Variants in SECISBP2L observed in about 807,000 individuals in gnomAD.
SECISBP2L encodes SECIS binding protein 2 like.
In SECISBP2L, 43 loss-of-function variants were observed where a neutral mutation model predicts 114.7. The ratio of observed to expected loss-of-function variants is 0.38; its 90% CI spans 0.29 to 0.48. SECISBP2L has a LOEUF of 0.48. Among genes scored for constraint, SECISBP2L ranks in the 20% least tolerant of loss-of-function variants. The pLI is 0.98. For synonymous variants in SECISBP2L, 451 were observed against 439.7 expected (o/e 1.03, Z -0.32); for missense variants, 1,136 against 1,301.1 (o/e 0.87, Z 1.95).
intron 14 of SECISBP2L, among the ~76,000 whole-genome samples, chr15:49,006,480 G>A (rs1029411955): frequency 2.6e-5 from 4 of 151,934 alleles, no homozygotes; most frequent in African/African-American, 7.3e-5. Context: ...TTGTCTTCAC[G>A]ATTTATTTCA....
At chr15:49,036,660 T>C (rs1462740768) in intron 2 of SECISBP2L, among the ~76,000 whole-genome samples, 4 of 152,258 alleles carry the variant, frequency 2.6e-5, no homozygotes, top group Admixed American at 1.3e-4. Flanking sequence ...TTGAAAATGA[T>C]TCCTTAGTTT....
At chr15:49,004,587 C>G (rs1349343075) in intron 14 of SECISBP2L, among the ~76,000 whole-genome samples, 1 of 152,220 alleles carries the variant, frequency 6.6e-6, no homozygotes, top group Non-Finnish European at 1.5e-5. Context: ...AAATTTCCCT[C>G]TAAACACTGC....
chr15:48,991,752 T>C lies in SECISBP2L; in HGVS notation c.*492A>G, dbSNP rs1901981523. On this transcript the variant is annotated 3_prime_UTR_variant, in exon 18 of 18. Coordinates refer to ENST00000559471, the MANE Select transcript of SECISBP2L (RefSeq NM_001193489.2). ...GTGGACCACATAAAAGTTGCATTGA[T>C]TTTTTAACATACAACACTGGTGGAC... 1.3e-5 allele frequency: 2 copies of C among 152,736 alleles called. No homozygotes were observed. Among genetic ancestry groups the C allele is most frequent in the Non-Finnish European group, 2.9e-5 (2 of 68,462 alleles). The allele number at this position is 152,736 out of a possible 1,614,324, so 9.5% of individuals were successfully genotyped here. A position where few individuals can be genotyped will look rare whatever the true frequency, so the allele number is the denominator to read the frequency against.
chr15:49,023,762 G>C (rs1171625205), intron 7 of SECISBP2L, among the ~76,000 whole-genome samples: 1 of 152,184 alleles, frequency 6.6e-6, no homozygotes, highest in Non-Finnish European at 1.5e-5. Context: ...ACACTGTTAA[G>C]TGAGCAAAGC....
At chr15:49,046,080 G>C (rs1376774968) in intron 1 of SECISBP2L, among the ~76,000 whole-genome samples, 196 bp downstream of exon 1, 1 of 152,216 alleles carries the variant, frequency 6.6e-6, no homozygotes, top group Non-Finnish European at 1.5e-5. Flanking sequence ...GAAGTAATCA[G>C]GGTTGGAAAA....
chr15:49,032,726 T>C (rs1321260831), intron 4 of SECISBP2L, among the ~76,000 whole-genome samples: 1 of 152,198 alleles, frequency 6.6e-6, no homozygotes, highest in Admixed American at 6.5e-5. Context: ...CGCTCCATTA[T>C]TACAAAAGGA....
intron 6 of SECISBP2L, 69 bp downstream of exon 6, chr15:49,028,075 C>T: frequency 7.1e-7 from 1 of 1,401,608 alleles, no homozygotes; most frequent in Admixed American, 2.5e-5. Flanking sequence ...AAGCCTCATG[C>T]TTAAAAGGAA....
chr15:49,017,857 A>C, intron 8 of SECISBP2L: 1 of 345,528 alleles, frequency 2.9e-6, no homozygotes, highest in East Asian at 5.0e-5. Flanking sequence ...GGATTTCTGC[A>C]CCTACTATTT....
rs1021663798 is a variant in SECISBP2L at position 49,013,073 on chromosome 15, C to A, written c.1562-256G>T. On this transcript the variant is annotated intron_variant, in intron 11 of 17. Transcript: ENST00000559471. The stretch of plus-strand genomic sequence containing the variant: ...TAATTAGTTCTACTCTCCTGTACAA[C>A]CCTCAAACATGGCAATTCCTTGCAA... The A allele has an allele frequency of 3.9e-5, 13 of 337,184 alleles. No individual in the cohort carries two copies. In the Admixed American group the frequency reaches 5.0e-4, roughly 13 times the overall value. 20.9% of individuals were successfully genotyped at this position (337,184 alleles called of 1,614,324 possible).
intron 1 of SECISBP2L, among the ~76,000 whole-genome samples, chr15:49,043,105 T>C (rs1243176437): frequency 6.6e-6 from 1 of 152,218 alleles, no homozygotes; most frequent in African/African-American, 2.4e-5. Flanking sequence ...ACTTTTTTAT[T>C]ATGAACATAT....
rs181321755 is a variant in SECISBP2L, at chr15:49,013,115, A to C, written c.1562-298T>G. 7 of 248,500 alleles carry C rather than the reference A, an allele frequency of 2.8e-5. No homozygotes were observed. In the East Asian group the frequency reaches 6.4e-4, roughly 23 times the overall value. 15.4% of individuals were successfully genotyped at this position (248,500 alleles called of 1,614,324 possible). A position where few individuals can be genotyped will look rare whatever the true frequency, so the allele number is the denominator to read the frequency against. On this transcript the variant is annotated intron_variant, in intron 11 of 17. Coordinates refer to ENST00000559471, the MANE Select transcript of SECISBP2L (RefSeq NM_001193489.2). ...TCCTTGCAACTGGTCTTCAGTCAGA[A>C]CCATTCTACCTTTGAAACTTCACAA...
At chr15:49,046,245 G>C in intron 1 of SECISBP2L, 31 bp downstream of exon 1, 1 of 1,565,176 alleles carries the variant, frequency 6.4e-7, no homozygotes, top group Non-Finnish European at 8.6e-7. Flanking sequence ...CCCAACCCCC[G>C]GCTCGGCGGG....
intron 13 of SECISBP2L, 126 bp downstream of exon 13, chr15:49,011,605 T>C: frequency 8.9e-7 from 1 of 1,129,720 alleles, no homozygotes. Flanking sequence ...CTCTGAAGAA[T>C]AAAGAGATTT....
chr15:49,043,886 C>G (rs1396708494), intron 1 of SECISBP2L, among the ~76,000 whole-genome samples: 1 of 151,384 alleles, frequency 6.6e-6, no homozygotes, highest in Non-Finnish European at 1.5e-5. Flanking sequence ...TTTACCTTTT[C>G]TATAAAAAGA....
chr15:49,036,995 G>A (rs543298276), intron 2 of SECISBP2L, among the ~76,000 whole-genome samples: 109 of 152,240 alleles, frequency 7.2e-4, no homozygotes, highest in African/African-American at 2.5e-3. Context: ...CTATACCAAT[G>A]AAGTGCTAAT....
chr15:48,997,823 C>G (rs1902125244), intron 16 of SECISBP2L, among the ~76,000 whole-genome samples: 1 of 152,170 alleles, frequency 6.6e-6, no homozygotes, highest in Non-Finnish European at 1.5e-5. Context: ...GAGCCGAGAT[C>G]ATGCCATTGC....
At position 49,046,293 on chromosome 15, in the gene SECISBP2L, G is replaced by C. The variant is rs1196332771; in HGVS notation, c.7C>G (p.Arg3Gly). The change falls in exon 1 of 18, where the codon CGA (arginine) becomes GGA (glycine). Residue 3 changes from arginine (R) to glycine (G), a missense_variant. By Grantham distance (125) the Arg-to-Gly change is moderately radical. Transcript: ENST00000559471. ...CCGCGTACCTGCTCCGTGGGGGCTC[G>C]GTCCATGGTGCCTGCAGCCGCAACG... Reference protein sequence around the residue: MDRAPTEQNVKLS... With the variant: MDGAPTEQNVKLS... 6.4e-7 allele frequency: 1 copy of C among 1,553,820 alleles called. No individual in the cohort carries two copies. The highest frequency in any genetic ancestry group is 2.5e-5 in the East Asian group (1 of 40,148).
intron 1 of SECISBP2L, among the ~76,000 whole-genome samples, chr15:49,042,131 G>C (rs1903150632): frequency 6.6e-6 from 1 of 152,060 alleles, no homozygotes; most frequent in Admixed American, 6.6e-5. Flanking sequence ...TTTAATATTA[G>C]TTTCTGAATT....
intron 1 of SECISBP2L, among the ~76,000 whole-genome samples, chr15:49,038,380 A>C (rs1010531225): frequency 3.3e-5 from 5 of 151,640 alleles, no homozygotes; most frequent in Admixed American, 6.6e-5. Flanking sequence ...AATCCATTTT[A>C]GTTTACTTTG....
Sources: allele counts gnomAD v4.1 joint callset (sites outside exome capture counted in the v4.1 genomes callset), GRCh38; gene constraint gnomAD v4.1.1; transcripts MANE v1.5; gene names NCBI Gene and HGNC (gene_info 2026-07-23, HGNC 2026-07-21).